The following EIPR1 variants were observed in gnomAD, a reference collection of about 807,000 sequenced individuals.
EIPR1 encodes the protein EARP complex and GARP complex interacting protein 1, also known as EARP and GARP complex-interacting protein 1.
Under a neutral mutation model 48.1 loss-of-function variants are expected in EIPR1, and 25 were observed. The observed-to-expected ratio is 0.52, with a 90% CI of 0.38 to 0.73. The LOEUF (loss-of-function observed/expected upper bound fraction) is 0.73, where lower values mean the gene tolerates loss of function less well. Among genes scored for constraint, EIPR1 ranks in the 30% least tolerant of loss-of-function variants. EIPR1 has a pLI of 0.00. For synonymous variants in EIPR1, 204 were observed against 201.9 expected, an observed-to-expected ratio of 1.01 and a Z score of -0.09; for missense variants, 415 against 506.2, an observed-to-expected ratio of 0.82 and a Z score of 1.73.
At chr2:3,293,732 A>G (rs998641468) in intron 3 of EIPR1, among the ~76,000 whole-genome samples, 1 of 152,352 alleles carries the variant, frequency 6.6e-6, no homozygotes, top group East Asian at 1.9e-4. Flanking sequence ...AATATGCTGC[A>G]GGTGAGACCC....
chr2:3,311,334 T>C (rs1669121803), intron 3 of EIPR1, among the ~76,000 whole-genome samples: 1 of 152,206 alleles, frequency 6.6e-6, no homozygotes, highest in Non-Finnish European at 1.5e-5. Flanking sequence ...AGTAGTTTTG[T>C]ATCTTTTGAG....
intron 3 of EIPR1, among the ~76,000 whole-genome samples, chr2:3,308,821 A>G (rs1205943511): frequency 6.6e-6 from 1 of 152,246 alleles, no homozygotes; most frequent in East Asian, 1.9e-4. Flanking sequence ...ACCAGAACAA[A>G]GCAGAACAAT....
At chr2:3,204,986 G>C (rs1665180208) in intron 5 of EIPR1, among the ~76,000 whole-genome samples, 1 of 152,198 alleles carries the variant, frequency 6.6e-6, no homozygotes, top group African/African-American at 2.4e-5. Context: ...CATGCACGCT[G>C]ACCAATACCA....
Position 3,305,460 on chromosome 2 carries a change from G to A in EIPR1, c.259+32557C>T, listed in dbSNP as rs143511616. 3.2e-3 allele frequency among the ~76,000 whole-genome samples: 446 copies of A among 139,544 alleles called. 1 individual carries two copies. Among genetic ancestry groups the A allele is most frequent in the Admixed American group, 5.5e-3 (76 of 13,776 alleles). The allele number at this position is 139,544 out of a possible 152,430, so 91.5% of individuals were successfully genotyped here. ...CCGTCCTGTTCAGCCCTCCAATCCCGTCCAGTTCAACCCTCCACTCCCGTC... is the reference window on the plus strand; with the variant it reads ...CCGTCCTGTTCAGCCCTCCAATCCCATCCAGTTCAACCCTCCACTCCCGTC... On this transcript the variant is annotated intron_variant, in intron 3 of 8. Coordinates refer to ENST00000382125, the MANE Select transcript of EIPR1 (RefSeq NM_003310.5).
intron 3 of EIPR1, among the ~76,000 whole-genome samples, chr2:3,284,090 C>T (rs1572394975): frequency 1.3e-5 from 2 of 152,316 alleles, no homozygotes; most frequent in East Asian, 3.9e-4. Context: ...GGAGAGCCCA[C>T]AGGCACAGAA....
At chr2:3,370,369 C>T (rs1390623697) in intron 1 of EIPR1, among the ~76,000 whole-genome samples, 8 of 152,244 alleles carry the variant, frequency 5.3e-5, no homozygotes, top group African/African-American at 9.6e-5. Context: ...TCACCAGCAA[C>T]GGAACAAAGC....
At chr2:3,290,533 T>C (rs1668334757) in intron 3 of EIPR1, among the ~76,000 whole-genome samples, 1 of 152,168 alleles carries the variant, frequency 6.6e-6, no homozygotes, top group South Asian at 2.1e-4. Context: ...TGTACTTCTT[T>C]AGGGATTTTT....
intron 4 of EIPR1, among the ~76,000 whole-genome samples, chr2:3,238,842 G>A (rs1028064908): frequency 2.6e-5 from 4 of 152,176 alleles, no homozygotes; most frequent in Admixed American, 6.5e-5. Context: ...CAAGGACAGC[G>A]GGCCCTCCGG....
chr2:3,249,782 CTT>C (rs1666948791), intron 4 of EIPR1, among the ~76,000 whole-genome samples: 1 of 152,216 alleles, frequency 6.6e-6, no homozygotes, highest in African/African-American at 2.4e-5. Flanking sequence ...GCCCCACTTC[CTT>C]GTGCAGCCTC....
At chr2:3,258,092 C>T (rs1270611385) in intron 3 of EIPR1, among the ~76,000 whole-genome samples, 1 of 152,270 alleles carries the variant, frequency 6.6e-6, no homozygotes, top group East Asian at 1.9e-4. Flanking sequence ...AATGAGAGTG[C>T]CATCCTTACA....
chr2:3,295,016 CA>C (rs1668505477), intron 3 of EIPR1, among the ~76,000 whole-genome samples: 1 of 128,718 alleles, frequency 7.8e-6, no homozygotes, highest in African/African-American at 3.0e-5. Flanking sequence ...CCATCCAGCC[CA>C]TACTCTCTGC....
At chr2:3,371,451 G>A (rs1422596939) in intron 1 of EIPR1, among the ~76,000 whole-genome samples, 1 of 152,138 alleles carries the variant, frequency 6.6e-6, no homozygotes, top group African/African-American at 2.4e-5. Flanking sequence ...TGGATAAAGA[G>A]TCAAGACCCA....
intron 3 of EIPR1, among the ~76,000 whole-genome samples, chr2:3,290,378 G>A (rs1182618212): frequency 2.6e-5 from 4 of 152,198 alleles, no homozygotes. Context: ...CCTTTTTAAA[G>A]ATGTTATTTT....
chr2:3,282,100 A>G (rs879469), intron 3 of EIPR1, among the ~76,000 whole-genome samples: 52,247 of 152,210 alleles, frequency 0.34, 9,148 homozygotes, highest in African/African-American at 0.37. Flanking sequence ...CAAGTGAAGG[A>G]GGAATCCCTG....
chr2:3,359,187 G>A (rs1171333591), intron 1 of EIPR1, among the ~76,000 whole-genome samples: 1 of 152,172 alleles, frequency 6.6e-6, no homozygotes, highest in Admixed American at 6.6e-5. Flanking sequence ...ATGAACCCAG[G>A]AGCTCAAAGT....
At chr2:3,352,454 G>A (rs1572477454) in intron 2 of EIPR1, among the ~76,000 whole-genome samples, 1 of 149,932 alleles carries the variant, frequency 6.7e-6, no homozygotes, top group African/African-American at 2.5e-5. Context: ...GTCTGTTCCC[G>A]ACACCTTTGA....
chr2:3,254,478 G>A (rs7571733), intron 4 of EIPR1, among the ~76,000 whole-genome samples: 147,862 of 152,310 alleles, frequency 0.97, 71,923 homozygotes, highest in East Asian at 1. Context: ...CATGCCATGG[G>A]ATATCCCGCC....
At chr2:3,329,248 C>CT (rs1669809418) in intron 3 of EIPR1, among the ~76,000 whole-genome samples, 2 of 52,854 alleles carry the variant, frequency 3.8e-5, no homozygotes, top group Admixed American at 1.5e-4. Context: ...AGGGCACCAG[C>CT]TGGGCTCCCC....
intron 3 of EIPR1, among the ~76,000 whole-genome samples, chr2:3,258,466 T>C (rs1667230963): frequency 6.6e-6 from 1 of 151,472 alleles, no homozygotes; most frequent in South Asian, 2.1e-4. Context: ...TGATAACAAG[T>C]GAAGAACATA....
Sources: gnomAD v4.1 joint callset for allele counts (sites outside exome capture counted in the v4.1 genomes callset) on GRCh38, gnomAD v4.1.1 for gene constraint, MANE v1.5 for transcripts, NCBI Gene and HGNC (gene_info 2026-07-23, HGNC 2026-07-21) for gene names.